The following ATF6 variants were observed in gnomAD, a reference collection of about 807,000 sequenced individuals.
ATF6 encodes the protein activating transcription factor 6, also known as cyclic AMP-dependent transcription factor ATF-6 alpha.
In ATF6, 53 loss-of-function variants were observed where a neutral mutation model predicts 83.6. The ratio of observed to expected loss-of-function variants is 0.63; its 90% CI spans 0.51 to 0.80. The LOEUF is 0.80. Among genes scored for constraint, ATF6 ranks in the 30% least tolerant of loss-of-function variants. The pLI is 0.00. For missense variants in ATF6, 744 were observed against 797.9 expected (o/e 0.93, Z 0.81); for synonymous variants, 288 against 285.8 (o/e 1.01, Z -0.08).
At chr1:161,947,366 C>CAGATGTAATCAGATGTTATCA (rs1688767906) in intron 15 of ATF6, among the ~76,000 whole-genome samples, 1 of 152,126 alleles carries the variant, frequency 6.6e-6, no homozygotes, top group Admixed American at 6.6e-5. Context: ...GATTAGATGT[C>CAGATGTAATCAGATGTTATCA]GAGGGTAATC....
At chr1:161,937,967 C>T (rs1406326622) in intron 15 of ATF6, among the ~76,000 whole-genome samples, 1 of 152,120 alleles carries the variant, frequency 6.6e-6, no homozygotes, top group Non-Finnish European at 1.5e-5. Context: ...AAGCTAAAGC[C>T]CTGACAATTG....
At chr1:161,778,352 A>G (rs767158880) in intron 2 of ATF6, 32 bp downstream of exon 2, 5 of 1,558,544 alleles carry the variant, frequency 3.2e-6, no homozygotes, top group Non-Finnish European at 4.4e-6. Flanking sequence ...ATAATGTGAT[A>G]TTTAGTCTTT....
At chr1:161,911,304 A>G (rs1687987777) in intron 14 of ATF6, among the ~76,000 whole-genome samples, 1 of 152,222 alleles carries the variant, frequency 6.6e-6, no homozygotes, top group African/African-American at 2.4e-5. Flanking sequence ...TTTTTCTGTA[A>G]CAGTTCATAT....
chr1:161,887,102 C>T (rs1026127507), intron 14 of ATF6, among the ~76,000 whole-genome samples: 2 of 151,484 alleles, frequency 1.3e-5, no homozygotes, highest in East Asian at 1.9e-4. Flanking sequence ...GAGGGAGTCT[C>T]GCTTTGTCAC....
intron 6 of ATF6, 114 bp from the exon 7 acceptor site, chr1:161,801,938 A>G (rs779477059): frequency 7.1e-5 from 62 of 867,822 alleles, no homozygotes; most frequent in Non-Finnish European, 1.0e-4. Context: ...ATGGTGTCCA[A>G]TCCCTTGGTG....
intron 15 of ATF6, among the ~76,000 whole-genome samples, chr1:161,922,232 G>A (rs1688226770): frequency 6.6e-6 from 1 of 152,292 alleles, no homozygotes. Flanking sequence ...GATTTTCAGT[G>A]TCTATCAGAT....
chr1:161,772,762 TAA>T (rs34486834), intron 1 of ATF6, among the ~76,000 whole-genome samples: 12 of 139,270 alleles, frequency 8.6e-5, no homozygotes, highest in Non-Finnish European at 6.3e-5. Flanking sequence ...TAGCTAGAGT[TAA>T]AAAAAAAAAA....
intron 9 of ATF6, among the ~76,000 whole-genome samples, chr1:161,832,703 G>C (rs985892755): frequency 6.6e-6 from 1 of 152,224 alleles, no homozygotes; most frequent in Non-Finnish European, 1.5e-5. Context: ...CAGCGAGGCT[G>C]GGGGAGGGGC....
rs369238623 is a variant in ATF6, at chr1:161,893,154, TTTTCTTTC to T, written c.1720-19126_1720-19119del. On this transcript the variant is annotated intron_variant, in intron 14 of 15. Transcript: ENST00000367942. The stretch of plus-strand genomic sequence containing the variant: ...ATACACTGGTTTAGCGGAAACTTTA[TTTTCTTTC>T]TTTCTTTCTTTCTTTTTTTTTGAGA... 9.1e-4 allele frequency among the ~76,000 whole-genome samples: 138 copies of T among 152,132 alleles called. 1 individual carries two copies. The East Asian group carries it at 0.025, about 28-fold the overall frequency.
chr1:161,792,951 T>G (rs1684917418), intron 6 of ATF6, among the ~76,000 whole-genome samples: 1 of 152,196 alleles, frequency 6.6e-6, no homozygotes, highest in African/African-American at 2.4e-5. Flanking sequence ...GTCATTTCCG[T>G]ATGGAGATCT....
chr1:161,822,219 G>A (rs1274522515), intron 9 of ATF6, among the ~76,000 whole-genome samples: 1 of 151,502 alleles, frequency 6.6e-6, no homozygotes, highest in Admixed American at 6.6e-5. Flanking sequence ...TATCCAAGGA[G>A]AACAAGTAGA....
chr1:161,792,454 A>G, intron 6 of ATF6, 127 bp downstream of exon 6: 1 of 921,452 alleles, frequency 1.1e-6, no homozygotes. Context: ...GTCTTTGGTT[A>G]TGAGGACGTT....
At chr1:161,780,625 G>A (rs1337547618) in intron 2 of ATF6, among the ~76,000 whole-genome samples, 1 of 152,068 alleles carries the variant, frequency 6.6e-6, no homozygotes, top group East Asian at 1.9e-4. Context: ...CACCTGCCTC[G>A]GCTTCCCAAA....
Position 161,791,491 on chromosome 1 carries a change from G to A in ATF6, c.438G>A (p.Glu146=). Residue 146 remains glutamate, a synonymous_variant, in exon 5 of 16, where the codon GAG becomes GAA. Transcript: ENST00000367942. ...ACTCTAATAGTCTCTCTTCAGCGGAGCCACTGAAGGAAGATAAGCCTGTCA... is the reference window on the plus strand; with the variant it reads ...ACTCTAATAGTCTCTCTTCAGCGGAACCACTGAAGGAAGATAAGCCTGTCA... ...GENSNSLSSA[E]PLKEDKPVTG... 1 of 1,612,248 alleles carries A rather than the reference G, an allele frequency of 6.2e-7. No individual in the cohort carries two copies. The highest frequency in any genetic ancestry group is 8.5e-7 in the Non-Finnish European group (1 of 1,179,266).
intron 1 of ATF6, among the ~76,000 whole-genome samples, chr1:161,766,733 T>TA (rs1317716230): frequency 6.6e-6 from 1 of 152,192 alleles, no homozygotes; most frequent in Non-Finnish European, 1.5e-5. Context: ...TGGACGTCTT[T>TA]AGGAGGTTTA....
chr1:161,851,233 AACAC>A (rs60202873), intron 10 of ATF6, among the ~76,000 whole-genome samples: 4,713 of 75,364 alleles, frequency 0.063, 331 homozygotes, highest in African/African-American at 0.13. Context: ...CCCTATCCTT[AACAC>A]ACACACACAC....
At position 161,768,879 on chromosome 1, in the gene ATF6, T is replaced by A. The variant is rs1010358500; in HGVS notation, c.82+2437T>A. On this transcript the variant is annotated intron_variant, in intron 1 of 15. Coordinates refer to ENST00000367942, the MANE Select transcript of ATF6 (RefSeq NM_007348.4). ...ACTGTGTCTAGCCTTGATTTTTTTT[T>A]AATATTAGACACTATCTAGTTAAAA... is the stretch of plus-strand genomic sequence containing the variant. Among the ~76,000 whole-genome samples the A allele has an allele frequency of 4.6e-5, 7 of 152,320 alleles. No individual in the cohort carries two copies. The East Asian group carries it at 9.6e-4, about 21-fold the overall frequency.
At chr1:161,864,631 C>G (rs1686951919) in intron 14 of ATF6, among the ~76,000 whole-genome samples, 1 of 152,150 alleles carries the variant, frequency 6.6e-6, no homozygotes, top group African/African-American at 2.4e-5. Flanking sequence ...ATCAAACATG[C>G]TAAGAGATTT....
At chr1:161,877,706 A>G (rs891979219) in intron 14 of ATF6, among the ~76,000 whole-genome samples, 4 of 152,162 alleles carry the variant, frequency 2.6e-5, no homozygotes, top group African/African-American at 7.2e-5. Flanking sequence ...TACATGGACA[A>G]TGCATTAGAG....
Sources: allele counts gnomAD v4.1 joint callset (sites outside exome capture counted in the v4.1 genomes callset), GRCh38; gene constraint gnomAD v4.1.1; transcripts MANE v1.5; gene names NCBI Gene and HGNC (gene_info 2026-07-23, HGNC 2026-07-21).